Variants in ENOSF1 observed in about 807,000 individuals in gnomAD.
ENOSF1 encodes mitochondrial enolase superfamily member 1.
Under a neutral mutation model 68.2 loss-of-function variants are expected in ENOSF1, and 73 were observed. That is an observed-to-expected ratio of 1.07 (90% CI 0.89 to 1.30). The LOEUF is 1.30. Among genes scored for constraint, ENOSF1 ranks in the 50% most tolerant of loss-of-function variants. ENOSF1 has a pLI of 0.00. For missense variants in ENOSF1, 589 were observed against 554.5 expected (o/e 1.06, Z -0.62); for synonymous variants, 223 against 210.4 (o/e 1.06, Z -0.52).
At chr18:678,539 G>T in intron 12 of ENOSF1, 157 bp downstream of exon 12, 1 of 713,944 alleles carries the variant, frequency 1.4e-6, no homozygotes, top group Non-Finnish European at 2.5e-6. Flanking sequence ...TCTGACTCTA[G>T]ACTCTGATAA....
intron 1 of ENOSF1, among the ~76,000 whole-genome samples, chr18:709,898 T>C (rs762100660): frequency 1.3e-5 from 2 of 152,192 alleles, no homozygotes; most frequent in South Asian, 4.1e-4. Flanking sequence ...CTCGAGGGCA[T>C]GTGAAGCCAT....
chr18:675,218 C>T (rs2075359534), intron 15 of ENOSF1, 103 bp downstream of exon 15: 1 of 879,820 alleles, frequency 1.1e-6, no homozygotes, highest in Non-Finnish European at 1.9e-6. Context: ...ATATTGCAAA[C>T]AAACAGGAGT....
intron 9 of ENOSF1, chr18:686,253 A>T (rs537154881): frequency 6.3e-6 from 3 of 474,106 alleles, no homozygotes; most frequent in Non-Finnish European, 1.1e-5. Flanking sequence ...CTAGACAGGG[A>T]AGTCAGGTCT....
chr18:672,857 T>C lies in ENOSF1; in HGVS notation c.*1448A>G, dbSNP rs139825452. 1.3e-6 allele frequency: 2 copies of C among 1,556,564 alleles called. No individual in the cohort carries two copies. The highest frequency in any genetic ancestry group is 2.7e-5 in the African/African-American group (2 of 73,998). On this transcript the variant is annotated 3_prime_UTR_variant, in exon 16 of 16. Transcript: ENST00000647584. ...CAAAATAATGGCCTTATTTTGTTTT[T>C]AGCTTCAGCGAGAACCCAGACCTTT... is the stretch of plus-strand genomic sequence containing the variant.
chr18:664,251 T>A, the ENOSF1 span, among the ~76,000 whole-genome samples: 1 of 151,838 alleles, frequency 6.6e-6, no homozygotes, highest in Admixed American at 6.6e-5. Flanking sequence ...TAAGGTGGAT[T>A]CCTAGGTATT....
chr18:710,369 C>G (rs938763221), intron 1 of ENOSF1, among the ~76,000 whole-genome samples: 1 of 151,878 alleles, frequency 6.6e-6, no homozygotes, highest in African/African-American at 2.4e-5. Context: ...CTTGGCCTTC[C>G]AAAGTGCTGG....
chr18:699,134 A>G (rs2078055401), intron 2 of ENOSF1, among the ~76,000 whole-genome samples: 1 of 152,154 alleles, frequency 6.6e-6, no homozygotes, highest in Admixed American at 6.6e-5. Context: ...TGTTGGGATT[A>G]CAGGTGTGAG....
chr18:673,153 C>A lies in ENOSF1; in HGVS notation c.*1152G>T, dbSNP rs2075144558. On this transcript the variant is annotated 3_prime_UTR_variant, in exon 16 of 16. Transcript: ENST00000647584. ...TAATTTTTAAGGATGTTGCCACTGG[C>A]AAATGTAACTGTGCCAGTTCTTTCC... 4 of 743,576 alleles carry A rather than the reference C, an allele frequency of 5.4e-6. No individual in the cohort carries two copies. The East Asian group carries it at 1.1e-4, about 20-fold the overall frequency. The allele number at this position is 743,576 out of a possible 1,614,324, so 46.1% of individuals were successfully genotyped here.
chr18:669,357 G>A (rs554205011), downstream of ENOSF1: 9 of 471,160 alleles, frequency 1.9e-5, no homozygotes, highest in Non-Finnish European at 3.0e-5. Context: ...ATGAGGTTGG[G>A]CCCAGAGGAT....
Position 670,668 on chromosome 18 carries a change from T to TATC in ENOSF1, c.*3634_*3636dup. 1 of 1,612,044 alleles carries TATC rather than the reference T, an allele frequency of 6.2e-7. No homozygotes were observed. On this transcript the variant is annotated 3_prime_UTR_variant, in exon 16 of 16. Transcript: ENST00000647584. Reference sequence around the variant, plus strand: ...GGTCTTTCAAACCACCATCCCTCCTTATCTTCCTCTGCTGGTTCCTCAGAT... The same window carrying TATC: ...GGTCTTTCAAACCACCATCCCTCCTTATCATCTTCCTCTGCTGGTTCCTCAGAT...
chr18:673,241 G>A lies in ENOSF1; in HGVS notation c.*1064C>T, dbSNP rs2075149782. 2.9e-6 allele frequency: 1 copy of A among 347,826 alleles called. No homozygotes were observed. Among genetic ancestry groups the A allele is most frequent in the Non-Finnish European group, 5.2e-6 (1 of 192,544 alleles). 21.5% of individuals were successfully genotyped at this position (347,826 alleles called of 1,614,324 possible). ...TGACAATGCTGAGGTTATGAACAAA[G>A]TGAGGAGAATGAAATGTATGTGCTC... On this transcript the variant is annotated 3_prime_UTR_variant, in exon 16 of 16. Coordinates refer to ENST00000647584, the MANE Select transcript of ENOSF1 (RefSeq NM_017512.7).
Position 671,171 on chromosome 18 carries a change from C to CT in ENOSF1, c.*3133dup. On this transcript the variant is annotated 3_prime_UTR_variant, in exon 16 of 16. Coordinates refer to ENST00000647584, the MANE Select transcript of ENOSF1 (RefSeq NM_017512.7). ...CCTGTAATCCCAGCACTTTGGGAGA[C>CT]TGAGACAGGAGCAATTGCTTGAGGT... The CT allele has an allele frequency of 1.6e-6, 1 of 611,552 alleles. No homozygotes were observed. The highest frequency in any genetic ancestry group is 1.8e-5 in the African/African-American group (1 of 54,116). The allele number at this position is 611,552 out of a possible 1,614,324, so 37.9% of individuals were successfully genotyped here. A position where few individuals can be genotyped will look rare whatever the true frequency, so the allele number is the denominator to read the frequency against.
chr18:708,704 C>A, intron 1 of ENOSF1, among the ~76,000 whole-genome samples: 1 of 152,040 alleles, frequency 6.6e-6, no homozygotes, highest in South Asian at 2.1e-4. Context: ...AGCTCCTCAG[C>A]AGTGGCAAGG....
intron 10 of ENOSF1, among the ~76,000 whole-genome samples, chr18:684,005 T>C (rs1180948848): frequency 1.3e-5 from 2 of 151,634 alleles, no homozygotes; most frequent in African/African-American, 2.4e-5. Context: ...TTTTCTTTTT[T>C]TTTTTTGAGA....
At chr18:688,547 G>C in intron 9 of ENOSF1, 27 bp downstream of exon 9, 1 of 1,613,910 alleles carries the variant, frequency 6.2e-7, no homozygotes, top group Non-Finnish European at 8.5e-7. Context: ...CGCCAACTGG[G>C]AAAGTCAGGT....
rs770611764 is a variant in ENOSF1, at chr18:674,269, C to T, written c.*36G>A. The T allele has an allele frequency of 7.0e-7, 1 of 1,421,010 alleles. No individual in the cohort carries two copies. Among genetic ancestry groups the T allele is most frequent in the South Asian group, 1.2e-5 (1 of 80,940 alleles). The allele number at this position is 1,421,010 out of a possible 1,614,324, so 88.0% of individuals were successfully genotyped here. On this transcript the variant is annotated 3_prime_UTR_variant, in exon 16 of 16. Coordinates refer to ENST00000647584, the MANE Select transcript of ENOSF1 (RefSeq NM_017512.7). ...ATTTCCAAGAAATTTTAAGCCCTTT[C>T]ACTTCAGAAAGAAAAAAGTTGTTGG... is the stretch of plus-strand genomic sequence containing the variant.
In ENOSF1 at chr18:671,011, C is replaced by G; in HGVS notation, c.*3294G>C. ...TAAGTAAGAAATGAACCAGCTTTTA[C>G]TTTGAAACCTTCCTCTTCTGGAAGG... On this transcript the variant is annotated 3_prime_UTR_variant, in exon 16 of 16. Transcript: ENST00000647584. The G allele has an allele frequency of 1.0e-6, 1 of 993,008 alleles. No homozygotes were observed. The highest frequency in any genetic ancestry group is 2.6e-5 in the East Asian group (1 of 38,180). 61.5% of individuals were successfully genotyped at this position (993,008 alleles called of 1,614,324 possible).
chr18:665,105 CTT>C, the ENOSF1 span, among the ~76,000 whole-genome samples: 1 of 151,906 alleles, frequency 6.6e-6, no homozygotes, highest in Non-Finnish European at 1.5e-5. Context: ...ACCAGTTCCT[CTT>C]TGTACCTCTG....
rs1348220135 is a variant in ENOSF1 at position 712,527 on chromosome 18, C to CAAGCGACGTGGGG, written c.48_60dup (p.Gly21ProfsTer17). The CAAGCGACGTGGGG allele has an allele frequency of 6.5e-7, 1 of 1,539,930 alleles. No individual in the cohort carries two copies. Among genetic ancestry groups the CAAGCGACGTGGGG allele is most frequent in the Non-Finnish European group, 8.7e-7 (1 of 1,146,518 alleles). On this transcript the variant is annotated frameshift_variant, in exon 1 of 16. Coordinates refer to ENST00000647584, the MANE Select transcript of ENOSF1 (RefSeq NM_017512.7). LOFTEE classifies it high-confidence loss of function. ...ACCATGGCGTCCGCGCCGTGGCCCCCAAGCGACGTGGGGAAGCGCACGTCC... is the reference window on the plus strand; with the variant it reads ...ACCATGGCGTCCGCGCCGTGGCCCCCAAGCGACGTGGGGAAGCGACGTGGGGAAGCGCACGTCC...
Sources: gnomAD v4.1 joint callset for allele counts (sites outside exome capture counted in the v4.1 genomes callset) on GRCh38, gnomAD v4.1.1 for gene constraint, MANE v1.5 for transcripts, NCBI Gene and HGNC (gene_info 2026-07-23, HGNC 2026-07-21) for gene names.